Variants in UBE4B observed in about 807,000 individuals in gnomAD.
UBE4B encodes ubiquitin conjugation factor E4 B.
UBE4B carries 27 observed loss-of-function variants against 148.1 expected under a neutral mutation model. That is an observed-to-expected ratio of 0.18 (90% CI 0.13 to 0.25). UBE4B has a LOEUF of 0.25. Ranked by LOEUF, UBE4B falls within the 10% of genes least tolerant of loss-of-function variation. UBE4B has a pLI of 1.00. For missense variants in UBE4B, 1,170 were observed against 1,662.4 expected, an observed-to-expected ratio of 0.70 and a Z score of 5.15; for synonymous variants, 596 against 619.3, an observed-to-expected ratio of 0.96 and a Z score of 0.56.
chr1:10,106,831 C>A lies in UBE4B; in HGVS notation c.1196+248C>A, dbSNP rs923151046. On this transcript the variant is annotated intron_variant, in intron 7 of 27. Transcript: ENST00000343090. The surrounding 1 kb of genome is among the most constrained non-coding windows in gnomAD (Gnocchi z 4.2). The stretch of plus-strand genomic sequence containing the variant: ...CCTTTCTTCCCTTTGAGAGTTGGGG[C>A]ACACAGGAACCCTTTTTGGCCTTTT... Among the ~76,000 whole-genome samples the A allele has an allele frequency of 6.6e-6, 1 of 152,146 alleles. No individual in the cohort carries two copies. Among genetic ancestry groups the A allele is most frequent in the African/African-American group, 2.4e-5 (1 of 41,436 alleles).
chr1:10,059,791 C>G (rs1281086565), intron 1 of UBE4B: 1 of 152,356 alleles, frequency 6.6e-6, no homozygotes, highest in Non-Finnish European at 1.5e-5. Flanking sequence ...CTGGAGGCTC[C>G]CATTTTAATT....
intron 16 of UBE4B, 140 bp downstream of exon 16, chr1:10,135,326 C>A: frequency 1.1e-6 from 1 of 930,234 alleles, no homozygotes; most frequent in Non-Finnish European, 1.6e-6. Flanking sequence ...ATACAGTAGG[C>A]CTGGCGTGGT....
intron 10 of UBE4B, among the ~76,000 whole-genome samples, chr1:10,126,438 A>G (rs919703135): frequency 2.6e-5 from 4 of 152,200 alleles, no homozygotes; most frequent in African/African-American, 9.6e-5. Flanking sequence ...AGTTGCTGAG[A>G]TGTGCAGAAT....
intron 15 of UBE4B, among the ~76,000 whole-genome samples, chr1:10,134,779 C>G (rs1645650564): frequency 6.6e-6 from 1 of 151,884 alleles, no homozygotes; most frequent in African/African-American, 2.4e-5. Flanking sequence ...CACCTGTAAT[C>G]CCAGCACTTT....
At chr1:10,107,127 T>C in intron 7 of UBE4B, 1 of 1,183,650 alleles carries the variant, frequency 8.4e-7, no homozygotes, top group Non-Finnish European at 1.1e-6. Flanking sequence ...AGTTTTAGTG[T>C]ATGGTTTATT....
chr1:10,045,205 T>C (rs1643888126), intron 1 of UBE4B, among the ~76,000 whole-genome samples: 1 of 152,218 alleles, frequency 6.6e-6, no homozygotes, highest in African/African-American at 2.4e-5. Flanking sequence ...GGAGCTTCAC[T>C]CCCTCACTCG....
At chr1:10,069,246 A>G (rs573389569) in intron 1 of UBE4B, among the ~76,000 whole-genome samples, 8 of 152,180 alleles carry the variant, frequency 5.3e-5, no homozygotes, top group Admixed American at 1.3e-4. Flanking sequence ...GATAATGATA[A>G]CGTCAACTAA....
At position 10,158,509 on chromosome 1, in the gene UBE4B, A is replaced by G. The variant is rs1646109418; in HGVS notation, c.3053+27A>G. On this transcript the variant is annotated intron_variant, in intron 22 of 27. Coordinates refer to ENST00000343090, the MANE Select transcript of UBE4B (RefSeq NM_001105562.3). Reference sequence around the variant, plus strand: ...TGAGTATGGGGCCCCTCGTGTCACAACTTGCTTTCTTGCAAATCGCAGGTA... The same window carrying G: ...TGAGTATGGGGCCCCTCGTGTCACAGCTTGCTTTCTTGCAAATCGCAGGTA... The G allele has an allele frequency of 3.7e-6, 6 of 1,604,554 alleles. No homozygotes were observed. In the East Asian group the frequency reaches 8.9e-5, roughly 24 times the overall value.
intron 1 of UBE4B, among the ~76,000 whole-genome samples, chr1:10,063,457 T>C (rs533140058): frequency 6.6e-6 from 1 of 152,216 alleles, no homozygotes; most frequent in Non-Finnish European, 1.5e-5. Context: ...TTATTCTTCT[T>C]CCTCACTTTT....
intron 1 of UBE4B, among the ~76,000 whole-genome samples, chr1:10,071,244 A>G (rs1644479350): frequency 6.6e-6 from 1 of 152,144 alleles, no homozygotes; most frequent in African/African-American, 2.4e-5. Context: ...ATTTGAAATG[A>G]CCAAGTTAGG....
At chr1:10,104,072 A>C (rs375653687) in intron 5 of UBE4B, among the ~76,000 whole-genome samples, 226 of 152,210 alleles carry the variant, frequency 1.5e-3, no homozygotes, top group African/African-American at 5.0e-3. Context: ...ACCTCCTCTT[A>C]TGAAGTATAG....
intron 2 of UBE4B, among the ~76,000 whole-genome samples, chr1:10,090,540 A>G (rs909654114): frequency 6.6e-6 from 1 of 152,190 alleles, no homozygotes; most frequent in Admixed American, 6.5e-5. Context: ...ATGGTTGGCC[A>G]TTACCTTTAA....
At chr1:10,125,232 C>T (rs575913864) in intron 10 of UBE4B, among the ~76,000 whole-genome samples, 1 of 152,338 alleles carries the variant, frequency 6.6e-6, no homozygotes, top group South Asian at 2.1e-4. Context: ...TTACTTGTAG[C>T]CTCCCTAAAA....
chr1:10,116,017 T>G (rs1645301985), intron 7 of UBE4B, among the ~76,000 whole-genome samples: 1 of 152,242 alleles, frequency 6.6e-6, no homozygotes, highest in Non-Finnish European at 1.5e-5. Context: ...GTTCCAAAAT[T>G]AGTTATGCAT....
intron 7 of UBE4B, among the ~76,000 whole-genome samples, chr1:10,115,080 C>A (rs1401896256): frequency 6.6e-6 from 1 of 151,710 alleles, no homozygotes; most frequent in Non-Finnish European, 1.5e-5. Context: ...TGTTGGAGTT[C>A]AAATTTACTA....
At chr1:10,076,456 C>G (rs1644582509) in intron 2 of UBE4B, among the ~76,000 whole-genome samples, 1 of 152,148 alleles carries the variant, frequency 6.6e-6, no homozygotes, top group South Asian at 2.1e-4. Flanking sequence ...GTTGGCCAGG[C>G]TGGTCTCGAA....
At chr1:10,119,967 C>T (rs1390705511) in intron 9 of UBE4B, among the ~76,000 whole-genome samples, 1 of 151,730 alleles carries the variant, frequency 6.6e-6, no homozygotes, top group East Asian at 1.9e-4. Context: ...ATGTGTAGAT[C>T]ATCACCTTCC....
At chr1:10,040,621 CTTTT>C (rs1185644090) in intron 1 of UBE4B, among the ~76,000 whole-genome samples, 1 of 141,130 alleles carries the variant, frequency 7.1e-6, no homozygotes, top group East Asian at 2.0e-4. Context: ...CTTCTTTTTT[CTTTT>C]TTTTTTTTTG....
At chr1:10,178,618 C>G (rs761718607) in intron 25 of UBE4B, 26 bp from the exon 26 acceptor site, 1 of 1,557,998 alleles carries the variant, frequency 6.4e-7, no homozygotes, top group African/African-American at 1.4e-5. Flanking sequence ...ACATTTACGT[C>G]TCACATTGCC....
Sources: gnomAD v4.1 joint callset for allele counts (sites outside exome capture counted in the v4.1 genomes callset) on GRCh38, gnomAD v4.1.1 for gene constraint, Gnocchi (gnomAD v3.1) non-coding constraint, MANE v1.5 for transcripts, NCBI Gene and HGNC (gene_info 2026-07-23, HGNC 2026-07-21) for gene names.